The following SLC46A1 variants were observed in gnomAD, a reference collection of about 807,000 sequenced individuals.
SLC46A1 encodes the protein solute carrier family 46 member 1.
Under a neutral mutation model 32.1 loss-of-function variants are expected in SLC46A1, and 17 were observed. That is an observed-to-expected ratio of 0.53 (90% confidence interval 0.36 to 0.79). SLC46A1 has a LOEUF of 0.79. SLC46A1 is among the 30% of genes least tolerant of loss of function. SLC46A1 has a pLI of 0.00. For missense variants in SLC46A1, 517 were observed against 588.2 expected (o/e 0.88, Z 1.25); for synonymous variants, 240 against 262.7 (o/e 0.91, Z 0.84).
chr17:28,395,757 G>T lies in SLC46A1; in HGVS notation c.*3899C>A. 1 of 757,278 alleles carries T rather than the reference G, an allele frequency of 1.3e-6. No homozygotes were observed. The highest frequency in any genetic ancestry group is 2.5e-5 in the East Asian group (1 of 39,964). 46.9% of individuals were successfully genotyped at this position (757,278 alleles called of 1,614,324 possible). ...ATATTTATTTTTTATTACACTACAA[G>T]GGTTAAGGTAGACATCAAGGTGGAC... On this transcript the variant is annotated 3_prime_UTR_variant, in exon 5 of 5. Coordinates refer to ENST00000612814, the MANE Select transcript of SLC46A1 (RefSeq NM_080669.6).
intron 2 of SLC46A1, chr17:28,404,376 A>G: frequency 1.7e-6 from 1 of 577,480 alleles, no homozygotes; most frequent in South Asian, 2.0e-5. Context: ...ATTACTAACA[A>G]TATTAATGGT....
At chr17:28,402,158 C>T (rs1555589740) in intron 3 of SLC46A1, 80 bp downstream of exon 3, 4 of 1,265,414 alleles carry the variant, frequency 3.2e-6, no homozygotes, top group Non-Finnish European at 3.3e-6. Flanking sequence ...AAGCTGTTCC[C>T]CCAGCCATGG....
chr17:28,400,472 G>A, intron 4 of SLC46A1, 138 bp downstream of exon 4: 2 of 1,197,140 alleles, frequency 1.7e-6, no homozygotes, highest in Non-Finnish European at 2.3e-6. Context: ...CATCTGCAAG[G>A]AGAGGGGCAA....
chr17:28,400,804 G>C (rs1353158682), intron 3 of SLC46A1, 38 bp from the exon 4 acceptor site: 2 of 1,544,084 alleles, frequency 1.3e-6, no homozygotes, highest in African/African-American at 2.7e-5. Flanking sequence ...GAGTCCGAAA[G>C]GGCCATATTC....
Position 28,399,590 on chromosome 17 carries a change from T to C in SLC46A1, c.*66A>G. ...TCCTGCTGTGGGCTGGGCTTCCAGC[T>C]GCAGACCTCCAGTTGCTTGGTGTTC... On this transcript the variant is annotated 3_prime_UTR_variant, in exon 5 of 5. Coordinates refer to ENST00000612814, the MANE Select transcript of SLC46A1 (RefSeq NM_080669.6). 2 of 1,554,086 alleles carry C rather than the reference T, an allele frequency of 1.3e-6. No individual in the cohort carries two copies. The highest frequency in any genetic ancestry group is 8.9e-7 in the Non-Finnish European group (1 of 1,126,718).
In SLC46A1 at chr17:28,400,301, A is replaced by C. The variant is rs1188078224; in HGVS notation, c.1322+309T>G. 4 of 370,510 alleles carry C rather than the reference A, an allele frequency of 1.1e-5. No individual in the cohort carries two copies. In the East Asian group the frequency reaches 2.4e-4, roughly 22 times the overall value. The allele number at this position is 370,510 out of a possible 1,614,324, so 23.0% of individuals were successfully genotyped here. On this transcript the variant is annotated intron_variant, in intron 4 of 4. Coordinates refer to ENST00000612814, the MANE Select transcript of SLC46A1 (RefSeq NM_080669.6). ...AGCTTCCTGGCCTTCCCTTTAACACAGTTCTGCTGCCATAGTTCCATCTAT... is the reference window on the plus strand; with the variant it reads ...AGCTTCCTGGCCTTCCCTTTAACACCGTTCTGCTGCCATAGTTCCATCTAT...
chr17:28,396,160 G>A lies in SLC46A1; in HGVS notation c.*3496C>T. The A allele has an allele frequency of 8.1e-6, 13 of 1,613,932 alleles. No homozygotes were observed. The highest frequency in any genetic ancestry group is 1.1e-5 in the Non-Finnish European group (13 of 1,179,872). The stretch of plus-strand genomic sequence containing the variant: ...ACATTGGCTCCTGTGCCCACAGGTG[G>A]TCCCACGAATACCAGGAGGCCACCA... On this transcript the variant is annotated 3_prime_UTR_variant, in exon 5 of 5. Transcript: ENST00000612814.
At chr17:28,403,046 G>A (rs1184370671) in intron 2 of SLC46A1, 1 of 152,284 alleles carries the variant, frequency 6.6e-6, no homozygotes, top group Non-Finnish European at 1.5e-5. Context: ...GACTGGTGAT[G>A]GCCGCCCCAA....
At chr17:28,400,348 A>AG in intron 4 of SLC46A1, 1 of 472,720 alleles carries the variant, frequency 2.1e-6, no homozygotes, top group East Asian at 4.0e-5. Context: ...GGAGGGAAAT[A>AG]GGGGAACTGG....
Position 28,402,314 on chromosome 17 carries a change from C to T in SLC46A1, c.1089G>A (p.Gly363=). The change falls in exon 3 of 5, where the codon GGG becomes GGA. Residue 363 remains glycine (G), a synonymous_variant. Coordinates refer to ENST00000612814, the MANE Select transcript of SLC46A1 (RefSeq NM_080669.6). ...TITPLMFTGY[G]LLFLSLVITP... ...TGATGACTAATGACAGGAAAAGCAA[C>T]CCATATCCTGTGGAGAAACAAACAC... The T allele has an allele frequency of 6.2e-7, 1 of 1,613,088 alleles. No homozygotes were observed. Among genetic ancestry groups the T allele is most frequent in the Non-Finnish European group, 8.5e-7 (1 of 1,179,506 alleles).
chr17:28,402,276 C>G lies in SLC46A1; in HGVS notation c.1127G>C (p.Arg376Pro). ...FLSLVITPVI[R>P]AKLSKLVRET... ...TCTCACCAGCTTGGAGAGTTTAGCC[C>G]GGATGACAGGTGTGATGACTAATGA... Residue 376 changes from arginine (R) to proline (P), a missense_variant, in exon 3 of 5, where the codon CGG becomes CCG. Physicochemically the swap from Arg to Pro is moderately radical, Grantham distance 103. Coordinates refer to ENST00000612814, the MANE Select transcript of SLC46A1 (RefSeq NM_080669.6). 1 of 1,613,588 alleles carries G rather than the reference C, an allele frequency of 6.2e-7. No individual in the cohort carries two copies. Among genetic ancestry groups the G allele is most frequent in the Non-Finnish European group, 8.5e-7 (1 of 1,179,740 alleles).
chr17:28,405,946 A>C lies in SLC46A1; in HGVS notation c.169T>G (p.Tyr57Asp), dbSNP rs2068256859. Residue 57 changes from tyrosine to aspartate, a missense_variant, in exon 1 of 5, where the codon TAC becomes GAC. Coordinates refer to ENST00000612814, the MANE Select transcript of SLC46A1 (RefSeq NM_080669.6). Reference protein sequence around the residue: ...LWHRFSADLGYNGTRQRGGCS... With the variant: ...LWHRFSADLGDNGTRQRGGCS... ...CCCCCCCTTTGGCGGGTGCCATTGTAGCCGAGGTCGGCGCTGAAGCGGTGC... is the reference window on the plus strand; with the variant it reads ...CCCCCCCTTTGGCGGGTGCCATTGTCGCCGAGGTCGGCGCTGAAGCGGTGC... 2.5e-6 allele frequency: 4 copies of C among 1,611,092 alleles called. No homozygotes were observed. The Admixed American group carries it at 6.7e-5, about 27-fold the overall frequency.
rs370737918 is a variant in SLC46A1, at chr17:28,396,156, G to A, written c.*3500C>T. 1.2e-6 allele frequency: 2 copies of A among 1,613,942 alleles called. No homozygotes were observed. The highest frequency in any genetic ancestry group is 1.3e-5 in the African/African-American group (1 of 75,036). ...AACCACATTGGCTCCTGTGCCCACA[G>A]GTGGTCCCACGAATACCAGGAGGCC... On this transcript the variant is annotated 3_prime_UTR_variant, in exon 5 of 5. Transcript: ENST00000612814.
intron 4 of SLC46A1, 127 bp downstream of exon 4, chr17:28,400,483 C>G: frequency 6.0e-6 from 8 of 1,340,156 alleles, no homozygotes; most frequent in Non-Finnish European, 8.1e-6. Flanking sequence ...AGAGGGGCAA[C>G]CTGGGACAAG....
intron 2 of SLC46A1, chr17:28,403,363 G>A (rs187454303): frequency 2.6e-5 from 4 of 152,476 alleles, no homozygotes; most frequent in African/African-American, 9.6e-5. Flanking sequence ...GTTACTTACA[G>A]GCTTCCTGTT....
intron 4 of SLC46A1, chr17:28,399,971 G>C: frequency 2.1e-6 from 1 of 475,484 alleles, no homozygotes. Context: ...ATAGCTCACT[G>C]TACCCTTGAA....
chr17:28,396,234 C>G lies in SLC46A1; in HGVS notation c.*3422G>C. 6.2e-7 allele frequency: 1 copy of G among 1,614,010 alleles called. No individual in the cohort carries two copies. The highest frequency in any genetic ancestry group is 8.5e-7 in the Non-Finnish European group (1 of 1,179,866). On this transcript the variant is annotated 3_prime_UTR_variant, in exon 5 of 5. Transcript: ENST00000612814. ...CAGGGCCGCTCCTCCCGGGACTCATCTGCAGGCTCTGACACCAGTTTGGAG... is the reference window on the plus strand; with the variant it reads ...CAGGGCCGCTCCTCCCGGGACTCATGTGCAGGCTCTGACACCAGTTTGGAG...
At position 28,394,945 on chromosome 17, in the gene SLC46A1, G is replaced by A. The variant is rs1555587433; in HGVS notation, c.*4711C>T. 2 of 151,848 alleles carry A rather than the reference G, an allele frequency of 1.3e-5. No individual in the cohort carries two copies. The allele number at this position is 151,848 out of a possible 1,614,324, so 9.4% of individuals were successfully genotyped here. A position where few individuals can be genotyped will look rare whatever the true frequency, so the allele number is the denominator to read the frequency against. On this transcript the variant is annotated 3_prime_UTR_variant, in exon 5 of 5. Transcript: ENST00000612814. ...GGAAGATGACTTTATTACCCCCTGA[G>A]AAAGGGTGGTGATCTAAGTGGGGAT...
chr17:28,400,669 C>T lies in SLC46A1; in HGVS notation c.1263G>A (p.Met421Ile), dbSNP rs562411490. The T allele has an allele frequency of 6.2e-7, 1 of 1,613,518 alleles. No homozygotes were observed. Among genetic ancestry groups the T allele is most frequent in the African/African-American group, 1.3e-5 (1 of 75,014 alleles). The stretch of plus-strand genomic sequence containing the variant: ...CTCCCAGGAGGAAGGGGAACCCCTT[C>T]ATAAAGTTCAGAGTGGCTGGGTAGA... ...NSLYPATLNFMKGFPFLLGAG... is the reference protein window; with the variant it reads ...NSLYPATLNFIKGFPFLLGAG... Residue 421 changes from methionine (M) to isoleucine (I), a missense_variant, in exon 4 of 5, where the codon ATG becomes ATA. By Grantham distance (10) the Met-to-Ile change is conservative. Coordinates refer to ENST00000612814, the MANE Select transcript of SLC46A1 (RefSeq NM_080669.6).
Sources: allele counts gnomAD v4.1 joint callset, GRCh38; gene constraint gnomAD v4.1.1; transcripts MANE v1.5; gene names NCBI Gene and HGNC (gene_info 2026-07-23, HGNC 2026-07-21).